CELF2: variants seen among roughly 807,000 people sequenced by gnomAD.
CELF2 encodes the protein CUG triplet repeat RNA-binding protein 2.
Under a neutral mutation model 62.6 loss-of-function variants are expected in CELF2, and 8 were observed. The ratio of observed to expected loss-of-function variants is 0.13; its 90% CI spans 0.07 to 0.23. The LOEUF is 0.23. Among genes scored for constraint, CELF2 ranks in the 10% least tolerant of loss-of-function variants. The pLI, the probability that CELF2 is intolerant of heterozygous loss-of-function variation, is 1.00. For missense variants in CELF2, 333 were observed against 671.0 expected, an observed-to-expected ratio of 0.50 and a Z score of 5.56; for synonymous variants, 258 against 250.0, an observed-to-expected ratio of 1.03 and a Z score of -0.30.
chr10:11,129,725 C>A (rs542348999), intron 1 of CELF2, among the ~76,000 whole-genome samples: 2 of 152,234 alleles, frequency 1.3e-5, no homozygotes, highest in South Asian at 2.1e-4. Flanking sequence ...GTGGTGATAT[C>A]CCCGTTATCA....
the CELF2 span, chr10:10,784,561 A>C: frequency 2.0e-5 from 3 of 152,274 alleles, no homozygotes; most frequent in African/African-American, 7.2e-5. Context: ...CTAGCAGCTA[A>C]TCTCCTCTCT....
chr10:10,474,130 A>G, the CELF2 span, among the ~76,000 whole-genome samples: 3 of 152,016 alleles, frequency 2.0e-5, no homozygotes, highest in Non-Finnish European at 4.4e-5. Context: ...ATCCAAGGGC[A>G]AAAGGAAACA....
At chr10:11,261,643 G>A (rs916354797) in intron 5 of CELF2, among the ~76,000 whole-genome samples, 3 of 152,142 alleles carry the variant, frequency 2.0e-5, no homozygotes, top group Non-Finnish European at 2.9e-5. Context: ...ATCTCAGTAT[G>A]CGTTTCTCCC....
At chr10:10,705,137 G>A in the CELF2 span, among the ~76,000 whole-genome samples, 1 of 152,114 alleles carries the variant, frequency 6.6e-6, no homozygotes, top group African/African-American at 2.4e-5. Context: ...AGTGAGCTGT[G>A]ATCGTGCCGC....
At chr10:11,161,237 G>A (rs1046673163) in intron 1 of CELF2, among the ~76,000 whole-genome samples, 8 of 152,228 alleles carry the variant, frequency 5.3e-5, no homozygotes, top group African/African-American at 1.9e-4. Flanking sequence ...CTGGCGTAGT[G>A]CTTGCAGACT....
At chr10:10,828,908 A>C (rs560079044) in intron 1 of CELF2, among the ~76,000 whole-genome samples, 6 of 152,358 alleles carry the variant, frequency 3.9e-5, no homozygotes, top group African/African-American at 1.2e-4. Flanking sequence ...TTTCTGTCAC[A>C]GGCATAAGGA....
chr10:11,005,515 C>G lies in CELF2; in HGVS notation c.53+75C>G. 3.7e-6 allele frequency: 6 copies of G among 1,609,644 alleles called. No individual in the cohort carries two copies. Among genetic ancestry groups the G allele is most frequent in the Non-Finnish European group, 5.1e-6 (6 of 1,176,464 alleles). ...AGCTGGCTGAGACAATAATTATGCTCTGAATCAAGTAGCTTCCTTACCTTA... is the reference window on the plus strand; with the variant it reads ...AGCTGGCTGAGACAATAATTATGCTGTGAATCAAGTAGCTTCCTTACCTTA... On this transcript the variant is annotated intron_variant, in intron 1 of 12. Transcript: ENST00000416382. This position sits in a 1 kb window ranked among gnomAD's most constrained non-coding sequence, Gnocchi z 4.3.
intron 1 of CELF2, among the ~76,000 whole-genome samples, chr10:11,064,079 T>C (rs574195673): frequency 6.6e-6 from 1 of 152,316 alleles, no homozygotes; most frequent in East Asian, 1.9e-4. Context: ...CAGCATCTGC[T>C]TGGGAGAGAC....
At chr10:11,066,239 AT>A (rs1236924662) in intron 1 of CELF2, among the ~76,000 whole-genome samples, 2 of 151,166 alleles carry the variant, frequency 1.3e-5, no homozygotes, top group Admixed American at 6.6e-5. Context: ...GATAACTACT[AT>A]TTTTTTTTCT....
the CELF2 span, among the ~76,000 whole-genome samples, chr10:10,576,379 C>G: frequency 1.3e-5 from 2 of 152,082 alleles, no homozygotes; most frequent in Admixed American, 6.6e-5. Context: ...CTAGCTTTCT[C>G]AGGCACATAT....
chr10:11,197,842 C>T (rs189062871), intron 2 of CELF2, among the ~76,000 whole-genome samples: 1 of 152,294 alleles, frequency 6.6e-6, no homozygotes, highest in Admixed American at 6.5e-5. Flanking sequence ...TCTTCTGTAG[C>T]GTTTTGATAC....
chr10:10,710,482 C>T, the CELF2 span, among the ~76,000 whole-genome samples: 1 of 152,162 alleles, frequency 6.6e-6, no homozygotes, highest in Non-Finnish European at 1.5e-5. Context: ...AGCACATGCT[C>T]CACAAATGGT....
rs1296245766 is a variant in CELF2 at position 11,315,044 on chromosome 10, C to T, written c.1096+786C>T. Among the ~76,000 whole-genome samples, 4 of 152,188 alleles carry T rather than the reference C, an allele frequency of 2.6e-5. No individual in the cohort carries two copies. Among genetic ancestry groups the T allele is most frequent in the East Asian group, 1.9e-4 (1 of 5,180 alleles). ...AACTGCAGGTTCTGTCCTCCACAGC[C>T]CACCCGCTCCTGTCATTCTCGGTTG... On this transcript the variant is annotated intron_variant, in intron 10 of 12. Transcript: ENST00000633077. The surrounding 1 kb of genome is among the most constrained non-coding windows in gnomAD (Gnocchi z 5.8).
chr10:11,307,856 C>T (rs1380128838), intron 9 of CELF2, among the ~76,000 whole-genome samples: 1 of 152,186 alleles, frequency 6.6e-6, no homozygotes, highest in African/African-American at 2.4e-5. Context: ...ATGCCCCATG[C>T]CAGCCAACCT....
At chr10:10,593,022 A>T in the CELF2 span, among the ~76,000 whole-genome samples, 3 of 152,332 alleles carry the variant, frequency 2.0e-5, no homozygotes, top group East Asian at 5.8e-4. Context: ...GTTCAAGTTA[A>T]CCAGGCTGAG....
Position 11,285,826 on chromosome 10 carries a change from GGTGTGTGTGTGTGTGTGT to G in CELF2, c.842-2557_842-2540del, listed in dbSNP as rs71378788. On this transcript the variant is annotated intron_variant, in intron 8 of 12. Transcript: ENST00000633077. The surrounding 1 kb of genome is among the most constrained non-coding windows in gnomAD (Gnocchi z 4.3). ...TTGCTCATCACCTACTATATATATT[GGTGTGTGTGTGTGTGTGT>G]GTGTGTGTGTGTGTGTGTGTGTGTG... Among the ~76,000 whole-genome samples, 69 of 128,790 alleles carry G rather than the reference GGTGTGTGTGTGTGTGTGT, an allele frequency of 5.4e-4. No homozygotes were observed. The highest frequency in any genetic ancestry group is 1.0e-3 in the African/African-American group (35 of 34,032). The allele number at this position is 128,790 out of a possible 152,430, so 84.5% of individuals were successfully genotyped here.
chr10:11,319,102 C>G lies in CELF2; in HGVS notation c.1097-2087C>G, dbSNP rs532503477. ...ATGCCTTGAGATCCAAGCAGAGCGGCGAGTCGCCGCTCCTCTCCCGCCAGA... is the reference window on the plus strand; with the variant it reads ...ATGCCTTGAGATCCAAGCAGAGCGGGGAGTCGCCGCTCCTCTCCCGCCAGA... On this transcript the variant is annotated intron_variant, in intron 10 of 12. Transcript: ENST00000633077. This position sits in a 1 kb window ranked among gnomAD's most constrained non-coding sequence, Gnocchi z 4.4. 2.1e-6 allele frequency: 1 copy of G among 469,908 alleles called. No individual in the cohort carries two copies. The highest frequency in any genetic ancestry group is 2.3e-5 in the Admixed American group (1 of 42,578). 29.1% of individuals were successfully genotyped at this position (469,908 alleles called of 1,614,324 possible). A position where few individuals can be genotyped will look rare whatever the true frequency, so the allele number is the denominator to read the frequency against.
the CELF2 span, among the ~76,000 whole-genome samples, chr10:10,653,668 A>G: frequency 6.9e-6 from 1 of 145,830 alleles, no homozygotes; most frequent in East Asian, 2.0e-4. Context: ...TTTGAAACCA[A>G]CGAGAACAAA....
At chr10:11,258,886 A>G (rs2137916284) in intron 5 of CELF2, among the ~76,000 whole-genome samples, 1 of 152,214 alleles carries the variant, frequency 6.6e-6, no homozygotes. Flanking sequence ...GGGTTTCACC[A>G]CGTTGGCCAC....
Sources: allele counts gnomAD v4.1 joint callset (sites outside exome capture counted in the v4.1 genomes callset), GRCh38; gene constraint gnomAD v4.1.1; non-coding constraint Gnocchi (gnomAD v3.1); transcripts MANE v1.5; gene names NCBI Gene and HGNC (gene_info 2026-07-23, HGNC 2026-07-21).